Variants in LRRC74B observed in about 807,000 individuals in gnomAD.
LRRC74B encodes the protein leucine rich repeat containing 74B.
Under a neutral mutation model 16.6 loss-of-function variants are expected in LRRC74B, and 30 were observed. The ratio of observed to expected loss-of-function variants is 1.80; its 90% CI spans 1.35 to 2.45. The LOEUF (loss-of-function observed/expected upper bound fraction) is 2.45, where lower values mean the gene tolerates loss of function less well. Ranked by LOEUF, LRRC74B falls within the 30% of genes most tolerant of loss-of-function variation. The pLI is 0.00. For synonymous variants in LRRC74B, 134 were observed against 86.0 expected (o/e 1.56, Z -3.09); for missense variants, 326 against 202.4 (o/e 1.61, Z -3.71).
intron 7 of LRRC74B, among the ~76,000 whole-genome samples, chr22:21,055,738 A>C (rs549469820): frequency 2.0e-5 from 3 of 152,104 alleles, no homozygotes; most frequent in African/African-American, 7.2e-5. Flanking sequence ...GTCGGCCCTC[A>C]GCTCCCCACC....
intron 2 of LRRC74B, 59 bp from the exon 3 acceptor site, chr22:21,047,825 G>T: frequency 2.8e-6 from 2 of 707,706 alleles, no homozygotes; most frequent in East Asian, 5.4e-5. Flanking sequence ...TGTGGAGTGG[G>T]CTGAGCCCTG....
chr22:21,056,498 T>A (rs1196249031), intron 7 of LRRC74B: 3 of 143,826 alleles, frequency 2.1e-5, no homozygotes, highest in African/African-American at 7.7e-5. Context: ...CAAGACTCTG[T>A]CTCAAAAAAA....
chr22:21,052,627 C>T (rs1370066358), intron 5 of LRRC74B, among the ~76,000 whole-genome samples: 1 of 148,956 alleles, frequency 6.7e-6, no homozygotes, highest in Non-Finnish European at 1.5e-5. Flanking sequence ...TGGGAAGGGA[C>T]ATCTGTGCAG....
At chr22:21,053,057 A>G (rs1356278734) in intron 5 of LRRC74B, among the ~76,000 whole-genome samples, 1 of 152,096 alleles carries the variant, frequency 6.6e-6, no homozygotes, top group Admixed American at 6.5e-5. Flanking sequence ...AGTCCGATCA[A>G]TGTTTCTGGG....
At chr22:21,047,146 T>G (rs571630898) in intron 1 of LRRC74B, among the ~76,000 whole-genome samples, 1 of 152,228 alleles carries the variant, frequency 6.6e-6, no homozygotes. Context: ...TGTCCAGCTT[T>G]CTTTTGATAG....
rs1449051516 is a variant in LRRC74B at position 21,056,361 on chromosome 22, A to G, written c.928-744A>G. Among the ~76,000 whole-genome samples, 4 of 151,892 alleles carry G rather than the reference A, an allele frequency of 2.6e-5. No individual in the cohort carries two copies. In the East Asian group the frequency reaches 7.7e-4, roughly 29 times the overall value. On this transcript the variant is annotated intron_variant, in intron 7 of 8. Coordinates refer to ENST00000442047, the Ensembl canonical transcript of LRRC74B. ...TACTGAAAACAAAAAGATGAGCCAG[A>G]TGTGGTGATGCACACCTATAATCCC...
At position 21,060,241 on chromosome 22, in the gene LRRC74B, G is replaced by A. The variant is rs2270383; in HGVS notation, c.1024-132G>A. 126,547 of 594,942 alleles carry A rather than the reference G, an allele frequency of 0.21. 18,908 individuals are homozygous for A. The highest frequency in any genetic ancestry group is 0.52 in the East Asian group (18,545 of 35,452). 36.9% of individuals were successfully genotyped at this position (594,942 alleles called of 1,614,324 possible). On this transcript the variant is annotated intron_variant, in intron 8 of 8. Transcript: ENST00000442047. ...TCTCTCCTGGATCTTACTAGTTTGC[G>A]GGTATGAGACTGTCATCCACAGGGG...
downstream of LRRC74B, chr22:21,061,634 A>AAATC (rs997067153): frequency 1.3e-5 from 2 of 152,240 alleles, no homozygotes; most frequent in African/African-American, 4.8e-5. Context: ...CTGTCTTTAA[A>AAATC]AATCAATCAG....
Position 21,053,996 on chromosome 22 carries a change from T to C in LRRC74B, c.848+521T>C, listed in dbSNP as rs1283290842. ...AGCATCTCCGGCAGAGCCTGGTGCATGGTGGGTGCTCCATGCAAGCTTTCC... is the reference window on the plus strand; with the variant it reads ...AGCATCTCCGGCAGAGCCTGGTGCACGGTGGGTGCTCCATGCAAGCTTTCC... On this transcript the variant is annotated intron_variant, in intron 6 of 8. Coordinates refer to ENST00000442047, the Ensembl canonical transcript of LRRC74B. 3.3e-5 allele frequency: 5 copies of C among 152,342 alleles called. No individual in the cohort carries two copies. The East Asian group carries it at 9.7e-4, about 29-fold the overall frequency. 9.4% of individuals were successfully genotyped at this position (152,342 alleles called of 1,614,324 possible).
intron 6 of LRRC74B, among the ~76,000 whole-genome samples, chr22:21,054,670 C>T (rs1016846325): frequency 2.0e-5 from 3 of 152,146 alleles, no homozygotes; most frequent in Non-Finnish European, 2.9e-5. Context: ...CAGAGAGAAG[C>T]GGGACTGACT....
At chr22:21,052,600 C>T (rs1008694115) in intron 5 of LRRC74B, among the ~76,000 whole-genome samples, 7 of 152,170 alleles carry the variant, frequency 4.6e-5, no homozygotes, top group African/African-American at 1.4e-4. Flanking sequence ...CTTCCCCAGA[C>T]ACCATAGACA....
downstream of LRRC74B, among the ~76,000 whole-genome samples, chr22:21,061,220 A>G (rs1601825684): frequency 1.3e-5 from 2 of 152,050 alleles, no homozygotes; most frequent in Admixed American, 6.6e-5. Context: ...CCCGCTACTC[A>G]GGAGGCTGAG....
intron 2 of LRRC74B, 102 bp from the exon 3 acceptor site, chr22:21,047,782 A>C: frequency 1.5e-6 from 1 of 667,636 alleles, no homozygotes; most frequent in Non-Finnish European, 2.8e-6. Flanking sequence ...CACTTAAAAC[A>C]GGTGGGAAGG....
At chr22:21,052,280 C>G (rs933587903) in exon 5 of LRRC74B, 1 of 717,412 alleles carries the variant, frequency 1.4e-6, no homozygotes, top group African/African-American at 1.7e-5. Flanking sequence ...TGGCAGAAAA[C>G]ACAGGACTCA....
At chr22:21,057,340 G>C in intron 8 of LRRC74B, 140 bp downstream of exon 8, 1 of 615,214 alleles carries the variant, frequency 1.6e-6, no homozygotes, top group Non-Finnish European at 2.9e-6. Flanking sequence ...GAGTTGCAAC[G>C]GGACTTGAAT....
At chr22:21,050,574 C>T (rs757120484) in intron 4 of LRRC74B, among the ~76,000 whole-genome samples, 7 of 151,580 alleles carry the variant, frequency 4.6e-5, no homozygotes, top group Admixed American at 4.6e-4. Flanking sequence ...GTCAGGAGAT[C>T]GAGACCATCC....
intron 4 of LRRC74B, among the ~76,000 whole-genome samples, chr22:21,050,327 G>A (rs1190116279): frequency 1.3e-5 from 2 of 151,208 alleles, no homozygotes; most frequent in South Asian, 2.1e-4. Context: ...GGGCCACCGC[G>A]CCTGGCCGAG....
chr22:21,061,506 A>G (rs948634745), downstream of LRRC74B, among the ~76,000 whole-genome samples: 1 of 152,188 alleles, frequency 6.6e-6, no homozygotes, highest in Non-Finnish European at 1.5e-5. Flanking sequence ...GAAGAAAAAA[A>G]TCACATGGCA....
chr22:21,064,045 T>C, downstream of LRRC74B: 1 of 155,500 alleles, frequency 6.4e-6, no homozygotes, highest in Non-Finnish European at 1.4e-5. Flanking sequence ...AATATGGGAC[T>C]TCAGTAACAT....
Sources: allele counts gnomAD v4.1 joint callset (sites outside exome capture counted in the v4.1 genomes callset), GRCh38; gene constraint gnomAD v4.1.1; transcripts MANE v1.5; gene names NCBI Gene and HGNC (gene_info 2026-07-23, HGNC 2026-07-21).